The following CDH18 variants were observed in gnomAD, a reference collection of about 807,000 sequenced individuals.
CDH18 encodes the protein cadherin 18.
In CDH18, 31 loss-of-function variants were observed where a neutral mutation model predicts 67.9. The observed-to-expected ratio is 0.46, with a 90% CI of 0.34 to 0.62. The LOEUF (loss-of-function observed/expected upper bound fraction) is 0.62, where lower values mean the gene tolerates loss of function less well. Ranked by LOEUF, CDH18 falls within the 20% of genes least tolerant of loss-of-function variation. The pLI, the probability that CDH18 is intolerant of heterozygous loss-of-function variation, is 0.01. For missense variants in CDH18, 890 were observed against 975.5 expected, an observed-to-expected ratio of 0.91 and a Z score of 1.17; for synonymous variants, 362 against 347.2, an observed-to-expected ratio of 1.04 and a Z score of -0.48.
intron 1 of CDH18, among the ~76,000 whole-genome samples, chr5:20,330,431 C>T (rs932068662): frequency 2.0e-5 from 3 of 152,068 alleles, no homozygotes; most frequent in African/African-American, 7.2e-5. Context: ...TAATTGGTCC[C>T]AGCTGGTGCC....
At chr5:20,293,478 G>C (rs578117368) in intron 1 of CDH18, among the ~76,000 whole-genome samples, 1 of 152,106 alleles carries the variant, frequency 6.6e-6, no homozygotes, top group Non-Finnish European at 1.5e-5. Context: ...AGAAGATTGT[G>C]TTGAAAGATG....
intron 5 of CDH18, among the ~76,000 whole-genome samples, chr5:19,711,656 A>AG (rs1281543923): frequency 6.6e-6 from 1 of 151,620 alleles, no homozygotes; most frequent in Non-Finnish European, 1.5e-5. Context: ...AAAGTAAAAA[A>AG]AAAAAAAAAA....
chr5:19,852,566 C>G (rs1401788456), intron 2 of CDH18, among the ~76,000 whole-genome samples: 1 of 151,946 alleles, frequency 6.6e-6, no homozygotes, highest in African/African-American at 2.4e-5. Context: ...TTCTAAAGTT[C>G]AATAGCTTTA....
At chr5:20,427,598 A>G (rs1748401505) in intron 1 of CDH18, among the ~76,000 whole-genome samples, 2 of 151,058 alleles carry the variant, frequency 1.3e-5, no homozygotes, top group South Asian at 4.1e-4. Context: ...TTGAGCACTG[A>G]TTTCAGTAAT....
At chr5:20,282,309 C>T (rs185416891) in intron 1 of CDH18, among the ~76,000 whole-genome samples, 1,815 of 152,242 alleles carry the variant, frequency 0.012, 40 homozygotes, top group African/African-American at 0.042. Context: ...AAAGGGAATG[C>T]TTCCAGTTTT....
chr5:19,740,008 T>A (rs1768891171), intron 4 of CDH18, among the ~76,000 whole-genome samples: 1 of 152,056 alleles, frequency 6.6e-6, no homozygotes, highest in South Asian at 2.1e-4. Context: ...ATGAAGAAGA[T>A]TAGAGATGTT....
At chr5:20,389,067 T>G (rs1744583459) in intron 1 of CDH18, among the ~76,000 whole-genome samples, 1 of 152,152 alleles carries the variant, frequency 6.6e-6, no homozygotes, top group African/African-American at 2.4e-5. Flanking sequence ...GTCTATTAGG[T>G]CTGCTTGGTA....
intron 1 of CDH18, among the ~76,000 whole-genome samples, chr5:20,455,739 A>AT (rs1322047907): frequency 6.6e-6 from 1 of 152,022 alleles, no homozygotes; most frequent in Non-Finnish European, 1.5e-5. Context: ...AAACATTTAA[A>AT]TTTTTTTATA....
chr5:20,021,479 TGAG>T (rs1738415983), intron 2 of CDH18, among the ~76,000 whole-genome samples: 3 of 152,108 alleles, frequency 2.0e-5, no homozygotes, highest in Admixed American at 1.3e-4. Context: ...GGGCCTGGTA[TGAG>T]GAGATTGGAT....
At chr5:19,698,239 G>T (rs1222846268) in intron 5 of CDH18, among the ~76,000 whole-genome samples, 1 of 152,080 alleles carries the variant, frequency 6.6e-6, no homozygotes, top group East Asian at 1.9e-4. Flanking sequence ...AGATATGGAA[G>T]TTTTTTTAAA....
intron 9 of CDH18, among the ~76,000 whole-genome samples, chr5:19,522,729 T>C (rs987900295): frequency 2.0e-5 from 3 of 151,948 alleles, no homozygotes; most frequent in Admixed American, 2.0e-4. Flanking sequence ...ACCTCGTCTC[T>C]AGTAAAAATA....
rs1317655023 is a variant in CDH18 at position 20,058,797 on chromosome 5, T to C, written c.-517-66783A>G. Among the ~76,000 whole-genome samples the C allele has an allele frequency of 2.0e-5, 3 of 152,318 alleles. No homozygotes were observed. The East Asian group carries it at 5.8e-4, about 29-fold the overall frequency. On this transcript the variant is annotated intron_variant, in intron 2 of 14. Coordinates refer to the CDH18 transcript ENST00000507958. ...ATTTGTATAACTGAAAAATATAACA[T>C]GGCAAACTCCAGTTTACAGTATCAT... is the stretch of plus-strand genomic sequence containing the variant.
intron 2 of CDH18, among the ~76,000 whole-genome samples, chr5:20,111,712 T>G (rs1222927822): frequency 6.6e-6 from 1 of 151,794 alleles, no homozygotes; most frequent in Non-Finnish European, 1.5e-5. Flanking sequence ...ACCCAGCTAA[T>G]TTTTGTATTT....
chr5:19,586,859 C>T (rs902403196), intron 7 of CDH18, among the ~76,000 whole-genome samples: 1 of 152,084 alleles, frequency 6.6e-6, no homozygotes, highest in Non-Finnish European at 1.5e-5. Context: ...TCCACAACCT[C>T]GTTAGCATCT....
chr5:20,478,804 C>T (rs1324103780), intron 1 of CDH18, among the ~76,000 whole-genome samples: 2 of 152,122 alleles, frequency 1.3e-5, no homozygotes, highest in Non-Finnish European at 2.9e-5. Flanking sequence ...GGGTAAGATT[C>T]AATGCTATGC....
intron 1 of CDH18, among the ~76,000 whole-genome samples, chr5:20,567,214 A>G (rs897515203): frequency 6.6e-6 from 1 of 152,188 alleles, no homozygotes; most frequent in African/African-American, 2.4e-5. Flanking sequence ...AGCAGCCACC[A>G]TCCCTAGGGC....
At chr5:20,264,200 T>C (rs1478044711) in intron 1 of CDH18, among the ~76,000 whole-genome samples, 1 of 152,056 alleles carries the variant, frequency 6.6e-6, no homozygotes, top group Non-Finnish European at 1.5e-5. Context: ...GTTTAAATGC[T>C]ACAACCAGAC....
chr5:20,423,808 G>A (rs1166529948), intron 1 of CDH18, among the ~76,000 whole-genome samples: 1 of 150,114 alleles, frequency 6.7e-6, no homozygotes, highest in Non-Finnish European at 1.5e-5. Flanking sequence ...TTAGCCGGGC[G>A]TGGTGATGGG....
At chr5:20,319,489 A>G (rs1737790352) in intron 1 of CDH18, among the ~76,000 whole-genome samples, 1 of 152,000 alleles carries the variant, frequency 6.6e-6, no homozygotes, top group Admixed American at 6.6e-5. Context: ...TTTGTATTTT[A>G]TATTCATATT....
Sources: gnomAD v4.1 joint callset for allele counts (sites outside exome capture counted in the v4.1 genomes callset) on GRCh38, gnomAD v4.1.1 for gene constraint, MANE v1.5 for transcripts, NCBI Gene and HGNC (gene_info 2026-07-23, HGNC 2026-07-21) for gene names.